Variants in PRKCG observed in about 807,000 individuals in gnomAD.
The protein encoded by PRKCG is protein kinase C gamma, also known as protein kinase C gamma type.
Under a neutral mutation model 82.0 loss-of-function variants are expected in PRKCG, and 28 were observed. The observed-to-expected ratio is 0.34, with a 90% CI of 0.25 to 0.47. PRKCG has a LOEUF of 0.47. PRKCG is among the 20% of genes least tolerant of loss of function. The pLI, the probability that PRKCG is intolerant of heterozygous loss-of-function variation, is 1.00. For missense variants in PRKCG, 640 were observed against 952.7 expected, an observed-to-expected ratio of 0.67 and a Z score of 4.32; for synonymous variants, 383 against 376.6, an observed-to-expected ratio of 1.02 and a Z score of -0.20.
At chr19:53,890,606 G>A (rs556446016) in intron 5 of PRKCG, among the ~76,000 whole-genome samples, 4 of 150,422 alleles carry the variant, frequency 2.7e-5, no homozygotes, top group South Asian at 4.2e-4. Flanking sequence ...TTTTGAGATG[G>A]AGTCTTGCTC....
Position 53,905,581 on chromosome 19 carries a change from T to G in PRKCG, c.1765-736T>G, listed in dbSNP as rs112704072. Reference sequence around the variant, plus strand: ...TTCTCTGAGTTTCTGCCTTCTTACCTGGGGTCTCTGTACCACCCTCTGAAT... The same window carrying G: ...TTCTCTGAGTTTCTGCCTTCTTACCGGGGGTCTCTGTACCACCCTCTGAAT... On this transcript the variant is annotated intron_variant, in intron 16 of 17. Transcript: ENST00000263431. Among the ~76,000 whole-genome samples, 206 of 151,676 alleles carry G rather than the reference T, an allele frequency of 1.4e-3. 1 individual carries two copies. Among genetic ancestry groups the G allele is most frequent in the African/African-American group, 4.8e-3 (200 of 41,366 alleles).
Position 53,901,324 on chromosome 19 carries a change from A to C in PRKCG, c.1575+575A>C, listed in dbSNP as rs145648106. ...TTTGGGAGGCTGAGGCAGGTGGATC[A>C]CTTGAGGTCAGGAGTTTGAGACCAG... On this transcript the variant is annotated intron_variant, in intron 14 of 17. Transcript: ENST00000263431. 8.7e-3 allele frequency among the ~76,000 whole-genome samples: 1,322 copies of C among 152,068 alleles called. 14 individuals are homozygous for C. Among genetic ancestry groups the C allele is most frequent in the Non-Finnish European group, 0.012 (803 of 67,982 alleles).
At position 53,907,468 on chromosome 19, in the gene PRKCG, A is replaced by C; in HGVS notation, c.*573A>C. The C allele has an allele frequency of 6.3e-6, 1 of 159,482 alleles. No individual in the cohort carries two copies. The highest frequency in any genetic ancestry group is 1.4e-5 in the Non-Finnish European group (1 of 72,532). 9.9% of individuals were successfully genotyped at this position (159,482 alleles called of 1,614,324 possible). A position where few individuals can be genotyped will look rare whatever the true frequency, so the allele number is the denominator to read the frequency against. On this transcript the variant is annotated 3_prime_UTR_variant, in exon 18 of 18. Coordinates refer to ENST00000263431, the MANE Select transcript of PRKCG (RefSeq NM_002739.5). ...ATCAGCTTTTGTTCTAGACTTCCCC[A>C]TCCCGAAGCCATCACTTCTCCCCGC... is the stretch of plus-strand genomic sequence containing the variant.
In PRKCG at chr19:53,889,349, CTA is replaced by C. The variant is rs2068654116; in HGVS notation, c.286-285_286-284del. Among the ~76,000 whole-genome samples, 1 of 152,130 alleles carries C rather than the reference CTA, an allele frequency of 6.6e-6. No homozygotes were observed. Among genetic ancestry groups the C allele is most frequent in the African/African-American group, 2.4e-5 (1 of 41,404 alleles). ...AGAGCACCCATTACCAACCATCAAA[CTA>C]TATGTTTTATTTATTTACCATGTTT... On this transcript the variant is annotated intron_variant, in intron 3 of 17. Transcript: ENST00000263431. The surrounding 1 kb of genome is among the most constrained non-coding windows in gnomAD (Gnocchi z 4.4).
chr19:53,888,916 C>T (rs2068650917), intron 3 of PRKCG, among the ~76,000 whole-genome samples: 2 of 152,110 alleles, frequency 1.3e-5, no homozygotes, highest in South Asian at 2.1e-4. Context: ...ATTTGGTCAG[C>T]GAGGCCCCCC....
Position 53,898,122 on chromosome 19 carries a change from T to C in PRKCG, c.1092+11T>C, listed in dbSNP as rs201352922. On this transcript the variant is annotated intron_variant, in intron 10 of 17. Coordinates refer to ENST00000263431, the MANE Select transcript of PRKCG (RefSeq NM_002739.5). ...GGCAGTTTTGGGAAGGTTGGATTCC[T>C]GGGGTTCTGGGGGAAAGGGAGGATG... 3 of 1,613,790 alleles carry C rather than the reference T, an allele frequency of 1.9e-6. No individual in the cohort carries two copies. Among genetic ancestry groups the C allele is most frequent in the East Asian group, 2.2e-5 (1 of 44,864 alleles).
rs56184534 is a variant in PRKCG at position 53,900,623 on chromosome 19, G to A, written c.1449G>A (p.Leu483=). The A allele has an allele frequency of 1.2e-6, 2 of 1,614,216 alleles. No homozygotes were observed. The highest frequency in any genetic ancestry group is 4.5e-5 in the East Asian group (2 of 44,896). ...CTGCATCGTCCAGGGACCTGAAGCT[G>A]GACAATGTGATGCTGGATGCTGAGG... ...NQGIIYRDLK[L]DNVMLDAEGH... is the part of the protein sequence containing the mutation. The change falls in exon 14 of 18, where the codon CTG becomes CTA. Residue 483 remains leucine (L), a synonymous_variant. Coordinates refer to ENST00000263431, the MANE Select transcript of PRKCG (RefSeq NM_002739.5). The surrounding 1 kb of genome is among the most constrained non-coding windows in gnomAD (Gnocchi z 4.2).
rs1234277283 is a variant in PRKCG at position 53,889,445 on chromosome 19, A to C, written c.286-193A>C. On this transcript the variant is annotated intron_variant, in intron 3 of 17. Coordinates refer to ENST00000263431, the MANE Select transcript of PRKCG (RefSeq NM_002739.5). This position sits in a 1 kb window ranked among gnomAD's most constrained non-coding sequence, Gnocchi z 4.4. ...AGAGGTTTTTTTTTTTCATTTGTTTAATGCTGGGTCCCCACACCAAGAACA... is the reference window on the plus strand; with the variant it reads ...AGAGGTTTTTTTTTTTCATTTGTTTCATGCTGGGTCCCCACACCAAGAACA... 2.7e-5 allele frequency among the ~76,000 whole-genome samples: 4 copies of C among 150,742 alleles called. No homozygotes were observed. Among genetic ancestry groups the C allele is most frequent in the Admixed American group, 1.3e-4 (2 of 15,184 alleles).
At chr19:53,891,504 G>A (rs1027258950) in intron 5 of PRKCG, among the ~76,000 whole-genome samples, 170 bp from the exon 6 acceptor site, 7 of 148,788 alleles carry the variant, frequency 4.7e-5, no homozygotes, top group Admixed American at 2.0e-4. Context: ...GGATGGTCTC[G>A]ATCTCCTGAC....
rs1214212274 is a variant in PRKCG at position 53,884,279 on chromosome 19, C to T, written c.285+36C>T. The T allele has an allele frequency of 6.9e-6, 11 of 1,594,314 alleles. No homozygotes were observed. Among genetic ancestry groups the T allele is most frequent in the African/African-American group, 1.3e-5 (1 of 74,444 alleles). On this transcript the variant is annotated intron_variant, in intron 3 of 17. Transcript: ENST00000263431. The surrounding 1 kb of genome is among the most constrained non-coding windows in gnomAD (Gnocchi z 4.6). The stretch of plus-strand genomic sequence containing the variant: ...GGACACCTGGTTCTCCTCCTCGGGC[C>T]GTGCCCCCGCCCTCACCCCCTCGGC...
chr19:53,898,158 G>A, intron 10 of PRKCG, 47 bp downstream of exon 10: 2 of 1,604,912 alleles, frequency 1.2e-6, no homozygotes, highest in South Asian at 1.1e-5. Context: ...TCTGTGGGAA[G>A]GTCAGATTTC....
At position 53,892,615 on chromosome 19, in the gene PRKCG, G is replaced by T; in HGVS notation, c.793G>T (p.Glu265Ter). The T allele has an allele frequency of 1.2e-6, 2 of 1,613,066 alleles. No homozygotes were observed. The highest frequency in any genetic ancestry group is 8.5e-7 in the Non-Finnish European group (1 of 1,179,946). The stretch of plus-strand genomic sequence containing the variant: ...GGGGGCCATGTCCTTTGGCGTCTCG[G>T]AGCTGCTCAAGGCGCCCGTGGATGG... ...FMGAMSFGVSELLKAPVDGWY... is the reference protein window; with the variant it reads ...FMGAMSFGVS The change falls in exon 7 of 18, where the codon GAG becomes TAG. Residue 265 changes from glutamate (E) to a stop codon, truncating the protein, a stop_gained. Coordinates refer to ENST00000263431, the MANE Select transcript of PRKCG (RefSeq NM_002739.5). LOFTEE classifies it high-confidence loss of function. This position sits in a 1 kb window ranked among gnomAD's most constrained non-coding sequence, Gnocchi z 5.9.
Position 53,891,784 on chromosome 19 carries a change from A to G in PRKCG, c.640A>G (p.Thr214Ala), listed in dbSNP as rs754958643. 1 of 1,614,144 alleles carries G rather than the reference A, an allele frequency of 6.2e-7. No individual in the cohort carries two copies. Among genetic ancestry groups the G allele is most frequent in the South Asian group, 1.1e-5 (1 of 91,086 alleles). Residue 214 changes from threonine to alanine, a missense_variant, in exon 6 of 18, where the codon ACG (threonine) becomes GCG (alanine). Thr to Ala is a moderately conservative substitution (Grantham distance 58). Around this residue, in one of 7 missense-constraint regions of PRKCG, gnomAD observed 261 missense variants for 312.1 expected, o/e 0.84. Coordinates refer to ENST00000263431, the MANE Select transcript of PRKCG (RefSeq NM_002739.5). ...PRNLTKQKTR[T>A]VKATLNPVWN... ...GAACCTGACGAAACAGAAGACCCGA[A>G]CGGTGAAAGCCACGCTAAACCCTGT...
Position 53,906,655 on chromosome 19 carries a change from C to G in PRKCG, c.1906-52C>G. On this transcript the variant is annotated intron_variant, in intron 17 of 17. Transcript: ENST00000263431. ...TGAGACTGGGGTACACAGAGGGACACCCGAGGAGCCCTCGGAGCTGCTTAA... is the reference window on the plus strand; with the variant it reads ...TGAGACTGGGGTACACAGAGGGACAGCCGAGGAGCCCTCGGAGCTGCTTAA... 3 of 1,591,120 alleles carry G rather than the reference C, an allele frequency of 1.9e-6. No individual in the cohort carries two copies. In the East Asian group the frequency reaches 6.7e-5, roughly 36 times the overall value.
rs1361171731 is a variant in PRKCG, at chr19:53,884,145, T to C, written c.203-16T>C. 6.2e-7 allele frequency: 1 copy of C among 1,613,888 alleles called. No homozygotes were observed. The highest frequency in any genetic ancestry group is 1.7e-5 in the Admixed American group (1 of 60,026). On this transcript the variant is annotated splice_polypyrimidine_tract_variant and intron_variant, in intron 2 of 17. Transcript: ENST00000263431. The surrounding 1 kb of genome is among the most constrained non-coding windows in gnomAD (Gnocchi z 4.6). ...ATCCATGCCTCCGTCTGTGTCTCTA[T>C]GATTTTCATCTATAGTCTGCAGCTT...
intron 3 of PRKCG, among the ~76,000 whole-genome samples, chr19:53,885,787 A>G (rs151204709): frequency 6.6e-6 from 1 of 152,148 alleles, no homozygotes; most frequent in Non-Finnish European, 1.5e-5. Context: ...ATGTGACTTC[A>G]TAGAACATAT....
At chr19:53,897,205 C>A (rs1410456436) in intron 9 of PRKCG, among the ~76,000 whole-genome samples, 1 of 152,180 alleles carries the variant, frequency 6.6e-6, no homozygotes, top group African/African-American at 2.4e-5. Context: ...GGTTTACAAG[C>A]ATAGGGGAGA....
chr19:53,895,705 C>T (rs1467674861), intron 9 of PRKCG, among the ~76,000 whole-genome samples: 1 of 152,152 alleles, frequency 6.6e-6, no homozygotes, highest in Admixed American at 6.5e-5. Context: ...TCTCTGATGC[C>T]TCAAATGTCT....
chr19:53,889,634 C>T lies in PRKCG; in HGVS notation c.286-4C>T. Reference sequence around the variant, plus strand: ...CCCCCTAAGCCAGTCTTCTCTGCCCCCAGGACCCCCGGAACAAACACAAGT... The same window carrying T: ...CCCCCTAAGCCAGTCTTCTCTGCCCTCAGGACCCCCGGAACAAACACAAGT... On this transcript the variant is annotated splice_polypyrimidine_tract_variant and splice_region_variant and intron_variant, in intron 3 of 17. Coordinates refer to ENST00000263431, the MANE Select transcript of PRKCG (RefSeq NM_002739.5). The surrounding 1 kb of genome is among the most constrained non-coding windows in gnomAD (Gnocchi z 4.4). 1 of 1,613,872 alleles carries T rather than the reference C, an allele frequency of 6.2e-7. No homozygotes were observed. The highest frequency in any genetic ancestry group is 8.5e-7 in the Non-Finnish European group (1 of 1,179,818).
Sources: gnomAD v4.1 joint callset for allele counts (sites outside exome capture counted in the v4.1 genomes callset) on GRCh38, gnomAD v4.1.1 for gene constraint, gnomAD v4.1.1 regional missense constraint, Gnocchi (gnomAD v3.1) non-coding constraint, MANE v1.5 for transcripts, NCBI Gene and HGNC (gene_info 2026-07-23, HGNC 2026-07-21) for gene names.